PACRG: variants seen among roughly 807,000 people sequenced by gnomAD.
The protein encoded by PACRG is parkin coregulated gene protein.
Under a neutral mutation model 29.7 loss-of-function variants are expected in PACRG, and 29 were observed. The ratio of observed to expected loss-of-function variants is 0.98; its 90% CI spans 0.73 to 1.33. PACRG has a LOEUF of 1.33. PACRG is among the 40% of genes most tolerant of loss of function. The probability of loss-of-function intolerance (pLI) is 0.00; values close to 1 mark genes in which losing one functional copy is unlikely to be tolerated. For missense variants in PACRG, 279 were observed against 316.2 expected, an observed-to-expected ratio of 0.88 and a Z score of 0.89; for synonymous variants, 116 against 118.7, an observed-to-expected ratio of 0.98 and a Z score of 0.15.
chr6:163,247,113 G>A (rs746962148), intron 4 of PACRG, among the ~76,000 whole-genome samples: 1 of 152,166 alleles, frequency 6.6e-6, no homozygotes. Context: ...GAGTGCTCTG[G>A]TATCCTTACT....
chr6:162,807,116 T>G (rs1327286824), intron 1 of PACRG, among the ~76,000 whole-genome samples: 2 of 152,214 alleles, frequency 1.3e-5, no homozygotes, highest in African/African-American at 4.8e-5. Context: ...TCTCTCAGCC[T>G]TCACAGAATT....
intron 2 of PACRG, among the ~76,000 whole-genome samples, chr6:163,039,130 C>G (rs754956573): frequency 6.6e-6 from 1 of 152,088 alleles, no homozygotes; most frequent in Non-Finnish European, 1.5e-5. Context: ...GGAGTTCTCA[C>G]GAGATTTGAT....
intron 1 of PACRG, among the ~76,000 whole-genome samples, chr6:162,755,850 A>G (rs1050390132): frequency 1.3e-5 from 2 of 151,968 alleles, no homozygotes; most frequent in Admixed American, 1.3e-4. Context: ...TTTGTCTCAA[A>G]CATTTGTCAC....
chr6:162,957,512 C>G (rs918049878), intron 2 of PACRG: 2 of 384,396 alleles, frequency 5.2e-6, no homozygotes, highest in South Asian at 3.0e-5. Flanking sequence ...ACAAGGGGCT[C>G]GGGACAGCCT....
At chr6:163,186,689 G>A (rs1254439841) in intron 4 of PACRG, among the ~76,000 whole-genome samples, 2 of 152,166 alleles carry the variant, frequency 1.3e-5, no homozygotes, top group Non-Finnish European at 2.9e-5. Context: ...GCCGGACCAG[G>A]CGCTCCCTGG....
intron 4 of PACRG, among the ~76,000 whole-genome samples, chr6:163,251,553 A>G (rs1350984504): frequency 6.6e-6 from 1 of 152,168 alleles, no homozygotes; most frequent in African/African-American, 2.4e-5. Context: ...TATTTTGGGA[A>G]CACTCTTAGT....
At chr6:163,310,289 G>A (rs1157957659) in intron 4 of PACRG, 1 of 152,214 alleles carries the variant, frequency 6.6e-6, no homozygotes, top group South Asian at 2.1e-4. Flanking sequence ...GGCAAGCAAA[G>A]CGCCACGGGG....
intron 2 of PACRG, among the ~76,000 whole-genome samples, chr6:162,874,704 G>C (rs1402543862): frequency 6.6e-6 from 1 of 152,144 alleles, no homozygotes; most frequent in Admixed American, 6.5e-5. Context: ...CACAGAGAGA[G>C]GAAATGAGGC....
At chr6:162,819,434 A>G (rs1368438315) in intron 2 of PACRG, among the ~76,000 whole-genome samples, 1 of 152,212 alleles carries the variant, frequency 6.6e-6, no homozygotes, top group Non-Finnish European at 1.5e-5. Context: ...ATATATTTAT[A>G]CCCCACATTA....
At chr6:162,966,991 A>T (rs1205230834) in intron 2 of PACRG, among the ~76,000 whole-genome samples, 1 of 152,228 alleles carries the variant, frequency 6.6e-6, no homozygotes, top group African/African-American at 2.4e-5. Flanking sequence ...AAAACCGTAC[A>T]GCTTCAGGGC....
chr6:163,102,016 G>A (rs769600449), intron 4 of PACRG, among the ~76,000 whole-genome samples: 1 of 152,182 alleles, frequency 6.6e-6, no homozygotes, highest in Non-Finnish European at 1.5e-5. Flanking sequence ...CGGCCACACA[G>A]TCATTTTCAA....
rs1584435842 is a variant in PACRG at position 162,814,091 on chromosome 6, T to C, written c.157-56T>C. On this transcript the variant is annotated intron_variant, in intron 1 of 4. Coordinates refer to ENST00000366888, the MANE Select transcript of PACRG (RefSeq NM_001080379.2). Reference sequence around the variant, plus strand: ...TTAAAAACAGAAAGTTCTTTTATTATGAATTTTTTTAGTATGTCTTAAAAC... The same window carrying C: ...TTAAAAACAGAAAGTTCTTTTATTACGAATTTTTTTAGTATGTCTTAAAAC... The C allele has an allele frequency of 2.7e-6, 4 of 1,502,750 alleles. No individual in the cohort carries two copies. The South Asian group carries it at 4.0e-5, about 15-fold the overall frequency. 93.1% of individuals were successfully genotyped at this position (1,502,750 alleles called of 1,614,324 possible).
intron 4 of PACRG, chr6:163,312,776 C>T: frequency 4.5e-6 from 2 of 441,050 alleles, no homozygotes; most frequent in South Asian, 1.6e-5. Context: ...GTTTTTGAGA[C>T]AGGGTCTTAC....
At chr6:162,987,444 A>G (rs1802999589) in intron 2 of PACRG, among the ~76,000 whole-genome samples, 1 of 152,054 alleles carries the variant, frequency 6.6e-6, no homozygotes, top group African/African-American at 2.4e-5. Flanking sequence ...CATAATCTCC[A>G]CATGTCATGG....
intron 2 of PACRG, among the ~76,000 whole-genome samples, chr6:162,947,593 A>ATCATATATATATATAG (rs1799252005): frequency 3.8e-5 from 2 of 53,064 alleles, no homozygotes; most frequent in African/African-American, 1.5e-4. Flanking sequence ...CATATATATA[A>ATCATATATATATATAG]TCATATATAT....
At chr6:162,904,797 GA>G (rs1795814182) in intron 2 of PACRG, among the ~76,000 whole-genome samples, 1 of 152,112 alleles carries the variant, frequency 6.6e-6, no homozygotes. Flanking sequence ...AAATGACAAG[GA>G]AAAAAGCTTA....
At chr6:163,225,663 C>T (rs1012429098) in intron 4 of PACRG, among the ~76,000 whole-genome samples, 3 of 152,120 alleles carry the variant, frequency 2.0e-5, no homozygotes, top group African/African-American at 4.8e-5. Context: ...TTCCTCAAAA[C>T]GTTAAAAATA....
chr6:163,064,959 C>T (rs1283462389), intron 3 of PACRG, among the ~76,000 whole-genome samples: 1 of 151,810 alleles, frequency 6.6e-6, no homozygotes, highest in East Asian at 1.9e-4. Flanking sequence ...TTGATTTCAA[C>T]AAATTAGAAG....
intron 4 of PACRG, among the ~76,000 whole-genome samples, chr6:163,240,847 T>C (rs1009750549): frequency 3.3e-5 from 5 of 152,142 alleles, no homozygotes; most frequent in African/African-American, 9.7e-5. Context: ...CCCCCTCAAG[T>C]AAACGAGGGC....
Sources: allele counts gnomAD v4.1 joint callset (sites outside exome capture counted in the v4.1 genomes callset), GRCh38; gene constraint gnomAD v4.1.1; transcripts MANE v1.5; gene names NCBI Gene and HGNC (gene_info 2026-07-23, HGNC 2026-07-21).